CTNNA3: variants seen among roughly 807,000 people sequenced by gnomAD.
CTNNA3 encodes catenin alpha-3.
A neutral mutation model predicts 95.7 loss-of-function variants in CTNNA3; 76 were observed. The observed-to-expected ratio is 0.79, with a 90% CI of 0.66 to 0.96. The LOEUF is 0.96. Ranked by LOEUF, CTNNA3 falls within the 40% of genes least tolerant of loss-of-function variation. CTNNA3 has a pLI of 0.00. For missense variants in CTNNA3, 1,191 were observed against 1,089.8 expected, an observed-to-expected ratio of 1.09 and a Z score of -1.31; for synonymous variants, 431 against 374.4, an observed-to-expected ratio of 1.15 and a Z score of -1.74.
intron 5 of CTNNA3, among the ~76,000 whole-genome samples, chr10:67,476,920 T>C (rs1848036183): frequency 6.6e-6 from 1 of 151,724 alleles, no homozygotes; most frequent in South Asian, 2.1e-4. Flanking sequence ...TCAGAGTACC[T>C]GCTCACCTAC....
rs78019427 is a variant in CTNNA3, at chr10:66,674,575, A to G, written c.1282-52791T>C. 1.9e-3 allele frequency among the ~76,000 whole-genome samples: 270 copies of G among 143,870 alleles called. 7 individuals carry two copies. The East Asian group carries it at 0.045, about 24-fold the overall frequency. The allele number at this position is 143,870 out of a possible 152,430, so 94.4% of individuals were successfully genotyped here. A position where few individuals can be genotyped will look rare whatever the true frequency, so the allele number is the denominator to read the frequency against. ...GTGTTTGCTCTTTTACAGAGTGAAGAAAAAAAAAACCTCCCAAATATCAAT... is the reference window on the plus strand; with the variant it reads ...GTGTTTGCTCTTTTACAGAGTGAAGGAAAAAAAAACCTCCCAAATATCAAT... On this transcript the variant is annotated intron_variant, in intron 9 of 17. Coordinates refer to ENST00000433211, the MANE Select transcript of CTNNA3 (RefSeq NM_013266.4).
intron 1 of CTNNA3, among the ~76,000 whole-genome samples, chr10:67,682,158 CA>C (rs1042799163): frequency 0.01 from 1,078 of 103,664 alleles, 4 homozygotes; most frequent in Middle Eastern, 0.024. Context: ...AACCCCGTCT[CA>C]AAAAAAAAAA....
chr10:66,169,804 G>A (rs572981455), intron 13 of CTNNA3, among the ~76,000 whole-genome samples: 4 of 152,086 alleles, frequency 2.6e-5, no homozygotes, highest in Admixed American at 1.3e-4. Context: ...ATGTTTGTTG[G>A]CCATTTGTAT....
chr10:67,050,802 T>C (rs1855044639), intron 7 of CTNNA3, among the ~76,000 whole-genome samples: 1 of 152,256 alleles, frequency 6.6e-6, no homozygotes, highest in Non-Finnish European at 1.5e-5. Context: ...TTGATGTTGA[T>C]TTTTATTCAA....
At chr10:67,436,009 T>C (rs1006429262) in intron 5 of CTNNA3, among the ~76,000 whole-genome samples, 3 of 152,110 alleles carry the variant, frequency 2.0e-5, no homozygotes, top group Non-Finnish European at 4.4e-5. Context: ...AGAGCCTGCA[T>C]AGCCAAAGCA....
At chr10:67,355,624 C>CAA (rs58652160) in intron 5 of CTNNA3, among the ~76,000 whole-genome samples, 2 of 135,754 alleles carry the variant, frequency 1.5e-5, no homozygotes, top group African/African-American at 5.3e-5. Context: ...AGAAGTCAAG[C>CAA]AAAAAAAAAA....
intron 9 of CTNNA3, among the ~76,000 whole-genome samples, chr10:66,663,062 A>G (rs1251808440): frequency 2.0e-5 from 3 of 151,956 alleles, no homozygotes; most frequent in Non-Finnish European, 4.4e-5. Flanking sequence ...CCAATGGCAC[A>G]TTCTTCGTCC....
At chr10:67,375,398 G>T (rs1843647403) in intron 5 of CTNNA3, among the ~76,000 whole-genome samples, 1 of 152,130 alleles carries the variant, frequency 6.6e-6, no homozygotes, top group Admixed American at 6.5e-5. Flanking sequence ...CTGAGGTCAG[G>T]AGTTCACAAC....
At chr10:66,108,348 T>C (rs992827789) in intron 13 of CTNNA3, among the ~76,000 whole-genome samples, 5 of 151,998 alleles carry the variant, frequency 3.3e-5, no homozygotes, top group African/African-American at 1.2e-4. Context: ...ACTGACCCCT[T>C]TTCTCCTCCT....
intron 12 of CTNNA3, among the ~76,000 whole-genome samples, chr10:66,344,487 G>A (rs977236276): frequency 2.6e-5 from 4 of 151,648 alleles, no homozygotes; most frequent in Admixed American, 6.6e-5. Context: ...GGCTGGTCTC[G>A]AACTCCTGAC....
chr10:66,021,962 T>C (rs1221750062), intron 15 of CTNNA3, among the ~76,000 whole-genome samples: 1 of 149,672 alleles, frequency 6.7e-6, no homozygotes, highest in Admixed American at 6.8e-5. Context: ...CAAGAGATGC[T>C]CTGCCCTCAG....
intron 12 of CTNNA3, among the ~76,000 whole-genome samples, chr10:66,331,641 G>C (rs1046406017): frequency 5.3e-5 from 8 of 151,940 alleles, no homozygotes; most frequent in Non-Finnish European, 1.2e-4. Context: ...TGAGGGCTCT[G>C]TTCTGTTCCA....
intron 10 of CTNNA3, among the ~76,000 whole-genome samples, chr10:66,551,380 T>C (rs1842210463): frequency 6.6e-6 from 1 of 152,134 alleles, no homozygotes; most frequent in African/African-American, 2.4e-5. Flanking sequence ...CAGTTTCCTC[T>C]AGCTGTTTTG....
At chr10:66,818,976 G>T (rs1211887270) in intron 7 of CTNNA3, among the ~76,000 whole-genome samples, 1 of 151,560 alleles carries the variant, frequency 6.6e-6, no homozygotes, top group Admixed American at 6.6e-5. Context: ...TGTAATCCCA[G>T]CTACTCAGGA....
At chr10:66,333,903 C>A (rs1159656313) in intron 12 of CTNNA3, among the ~76,000 whole-genome samples, 1 of 151,902 alleles carries the variant, frequency 6.6e-6, no homozygotes, top group East Asian at 1.9e-4. Flanking sequence ...CTTTATGAAT[C>A]TGGGTGCTCC....
At chr10:67,499,501 G>C (rs1839158960) in intron 5 of CTNNA3, among the ~76,000 whole-genome samples, 1 of 152,198 alleles carries the variant, frequency 6.6e-6, no homozygotes, top group African/African-American at 2.4e-5. Context: ...AGTTTCAGAA[G>C]GAATGGTACC....
At chr10:66,332,517 A>G (rs1431366935) in intron 12 of CTNNA3, among the ~76,000 whole-genome samples, 2 of 152,046 alleles carry the variant, frequency 1.3e-5, no homozygotes, top group East Asian at 1.9e-4. Flanking sequence ...CTGTTTATAC[A>G]CTGGATTACG....
chr10:66,656,828 T>A (rs1048293270), intron 9 of CTNNA3, among the ~76,000 whole-genome samples: 1 of 151,966 alleles, frequency 6.6e-6, no homozygotes, highest in Non-Finnish European at 1.5e-5. Context: ...TTTTTGTTGT[T>A]GTTTTTTGTT....
At chr10:67,507,475 A>C (rs1839462972) in intron 5 of CTNNA3, among the ~76,000 whole-genome samples, 1 of 151,914 alleles carries the variant, frequency 6.6e-6, no homozygotes, top group Non-Finnish European at 1.5e-5. Context: ...CAGAGGTTTC[A>C]GTGAACTGAG....
Sources: allele counts gnomAD v4.1 joint callset (sites outside exome capture counted in the v4.1 genomes callset), GRCh38; gene constraint gnomAD v4.1.1; transcripts MANE v1.5; gene names NCBI Gene and HGNC (gene_info 2026-07-23, HGNC 2026-07-21).